Variants in CAMTA1 observed in about 807,000 individuals in gnomAD.
The protein encoded by CAMTA1 is calmodulin binding transcription activator 1.
In CAMTA1, 27 loss-of-function variants were observed where a neutral mutation model predicts 170.9. That is an observed-to-expected ratio of 0.16 (90% CI 0.12 to 0.22). The LOEUF (loss-of-function observed/expected upper bound fraction) is 0.22, where lower values mean the gene tolerates loss of function less well. CAMTA1 is among the 10% of genes least tolerant of loss of function. The pLI is 1.00. For missense variants in CAMTA1, 1,619 were observed against 2,217.2 expected, an observed-to-expected ratio of 0.73 and a Z score of 5.42; for synonymous variants, 833 against 891.5, an observed-to-expected ratio of 0.93 and a Z score of 1.17.
At chr1:7,763,777 G>A (rs1027023450) in intron 22 of CAMTA1, among the ~76,000 whole-genome samples, 2 of 152,066 alleles carry the variant, frequency 1.3e-5, no homozygotes, top group Non-Finnish European at 1.5e-5. Context: ...CTGTTCATTC[G>A]AGAAAAATTG....
intron 4 of CAMTA1, among the ~76,000 whole-genome samples, chr1:7,133,061 C>T (rs986874699): frequency 2.6e-5 from 4 of 151,966 alleles, no homozygotes; most frequent in African/African-American, 7.3e-5. Flanking sequence ...TTCCTTATAA[C>T]ATCTTAGTCT....
intron 5 of CAMTA1, among the ~76,000 whole-genome samples, chr1:7,425,586 A>G (rs2091835248): frequency 6.6e-6 from 1 of 152,008 alleles, no homozygotes; most frequent in Non-Finnish European, 1.5e-5. Flanking sequence ...GGGTGTCTAA[A>G]GAGCCAGGCA....
chr1:7,705,359 C>T (rs1294918749), intron 11 of CAMTA1, among the ~76,000 whole-genome samples: 2 of 146,424 alleles, frequency 1.4e-5, no homozygotes, highest in African/African-American at 5.1e-5. Context: ...TGGCCGAGGG[C>T]GTGAGGGGCG....
intron 11 of CAMTA1, among the ~76,000 whole-genome samples, chr1:7,705,271 T>C (rs1364833751): frequency 6.9e-6 from 1 of 145,014 alleles, no homozygotes; most frequent in East Asian, 2.1e-4. Flanking sequence ...GAGGAGTGGG[T>C]GGGAGACACG....
intron 3 of CAMTA1, among the ~76,000 whole-genome samples, chr1:6,946,870 T>A (rs961510872): frequency 1.3e-5 from 2 of 152,248 alleles, no homozygotes; most frequent in African/African-American, 4.8e-5. Flanking sequence ...GTGTTATAAC[T>A]AAGAAACCAT....
intron 4 of CAMTA1, among the ~76,000 whole-genome samples, chr1:7,188,010 T>C (rs1031533656): frequency 6.6e-6 from 1 of 152,174 alleles, no homozygotes; most frequent in Non-Finnish European, 1.5e-5. Context: ...TCAGGAAACT[T>C]ACAATCATGG....
At chr1:6,917,559 G>C (rs1681079589) in intron 3 of CAMTA1, among the ~76,000 whole-genome samples, 1 of 151,856 alleles carries the variant, frequency 6.6e-6, no homozygotes. Flanking sequence ...CAGACATTGA[G>C]GGTGGGGGGA....
At chr1:7,430,203 T>C (rs1321581774) in intron 5 of CAMTA1, among the ~76,000 whole-genome samples, 1 of 150,492 alleles carries the variant, frequency 6.6e-6, no homozygotes, top group Non-Finnish European at 1.5e-5. Context: ...GGTGATAACA[T>C]GGATGATGGT....
At chr1:7,522,695 T>C (rs569858443) in intron 6 of CAMTA1, among the ~76,000 whole-genome samples, 1 of 152,340 alleles carries the variant, frequency 6.6e-6, no homozygotes, top group Non-Finnish European at 1.5e-5. Flanking sequence ...TTCTGGGGTT[T>C]GGTTTTTTGT....
intron 3 of CAMTA1, among the ~76,000 whole-genome samples, chr1:6,930,248 G>A (rs559557126): frequency 6.6e-6 from 1 of 152,270 alleles, no homozygotes; most frequent in African/African-American, 2.4e-5. Flanking sequence ...TGCCTGCTGG[G>A]ATCCAAGTCT....
intron 5 of CAMTA1, among the ~76,000 whole-genome samples, chr1:7,276,303 A>ATATATATAATTTTTTT: frequency 4.1e-5 from 1 of 24,228 alleles, no homozygotes; most frequent in African/African-American, 3.0e-4. Flanking sequence ...ATATATATAT[A>ATATATATAATTTTTTT]TTTTTTTTTT....
At chr1:7,198,949 C>T (rs1656102340) in intron 4 of CAMTA1, among the ~76,000 whole-genome samples, 1 of 152,174 alleles carries the variant, frequency 6.6e-6, no homozygotes, top group Non-Finnish European at 1.5e-5. Flanking sequence ...TGACCTTTTT[C>T]TTCTCCAAAG....
At chr1:6,917,191 A>G (rs528202694) in intron 3 of CAMTA1, among the ~76,000 whole-genome samples, 5 of 152,148 alleles carry the variant, frequency 3.3e-5, no homozygotes, top group African/African-American at 1.2e-4. Flanking sequence ...AGTGTGGGGA[A>G]TGAGCCTGTT....
intron 3 of CAMTA1, among the ~76,000 whole-genome samples, chr1:7,029,551 A>G (rs924641619): frequency 6.6e-6 from 1 of 151,066 alleles, no homozygotes; most frequent in South Asian, 2.1e-4. Flanking sequence ...TGAACAGGCT[A>G]TTCTTTAGCT....
intron 3 of CAMTA1, among the ~76,000 whole-genome samples, chr1:7,037,609 G>T (rs1203778656): frequency 6.6e-6 from 1 of 151,976 alleles, no homozygotes; most frequent in Non-Finnish European, 1.5e-5. Context: ...GAAGGCCGAG[G>T]CAGGCGGATC....
intron 4 of CAMTA1, among the ~76,000 whole-genome samples, chr1:7,177,485 C>T (rs1475176959): frequency 7.9e-6 from 1 of 126,560 alleles, no homozygotes; most frequent in Non-Finnish European, 1.7e-5. Flanking sequence ...CCCACACACA[C>T]TGAAGCCCCT....
intron 3 of CAMTA1, among the ~76,000 whole-genome samples, chr1:6,894,532 T>C (rs1675225196): frequency 6.6e-6 from 1 of 152,236 alleles, no homozygotes; most frequent in African/African-American, 2.4e-5. Context: ...TGATTACCTC[T>C]CAAGCGTCAG....
chr1:7,705,179 G>C (rs1487829000), intron 11 of CAMTA1, among the ~76,000 whole-genome samples: 1 of 151,436 alleles, frequency 6.6e-6, no homozygotes, highest in Non-Finnish European at 1.5e-5. Context: ...GGCCCGGTGT[G>C]AGGGGCGTGT....
intron 3 of CAMTA1, among the ~76,000 whole-genome samples, chr1:6,967,951 G>T (rs1434572152): frequency 6.6e-6 from 1 of 152,192 alleles, no homozygotes; most frequent in East Asian, 1.9e-4. Context: ...GGTTTTCTCA[G>T]TTGGCATTAT....
Sources: gnomAD v4.1 joint callset for allele counts (sites outside exome capture counted in the v4.1 genomes callset) on GRCh38, gnomAD v4.1.1 for gene constraint, MANE v1.5 for transcripts, NCBI Gene and HGNC (gene_info 2026-07-23, HGNC 2026-07-21) for gene names.